TSPAN17: variants seen among roughly 807,000 people sequenced by gnomAD.
TSPAN17 encodes the protein tetraspanin 17, also known as tetraspanin-17.
In TSPAN17, 33 loss-of-function variants were observed where a neutral mutation model predicts 40.5. The observed-to-expected ratio is 0.81, with a 90% CI of 0.62 to 1.09. The LOEUF is 1.09. Among genes scored for constraint, TSPAN17 ranks in the 50% least tolerant of loss-of-function variants. The probability of loss-of-function intolerance (pLI) is 0.00; values close to 1 mark genes in which losing one functional copy is unlikely to be tolerated. For synonymous variants in TSPAN17, 166 were observed against 169.4 expected (o/e 0.98, Z 0.15); for missense variants, 365 against 416.8 (o/e 0.88, Z 1.08).
chr5:176,656,870 C>A, intron 7 of TSPAN17, 25 bp from the exon 8 acceptor site: 3 of 1,614,230 alleles, frequency 1.9e-6, no homozygotes, highest in East Asian at 4.5e-5. Context: ...CCTCACTCTC[C>A]CCTCACCTGT....
rs1761096265 is a variant in TSPAN17 at position 176,654,951 on chromosome 5, C to G, written c.513C>G (p.Asn171Lys). 6.2e-7 allele frequency: 1 copy of G among 1,613,782 alleles called. No individual in the cohort carries two copies. Among genetic ancestry groups the G allele is most frequent in the East Asian group, 2.2e-5 (1 of 44,880 alleles). ...ACTGGAACCTCAATATCTACTTCAA[C>G]TGCACTGACTTGAACCCCAGCCGGG... ...PNDWNLNIYF[N>K]CTDLNPSRER... is the part of the protein sequence containing the mutation. The change falls in exon 5 of 9, where the codon AAC becomes AAG. Residue 171 changes from asparagine (N) to lysine (K), a missense_variant. Physicochemically the swap from Asn to Lys is moderately conservative, Grantham distance 94. Coordinates refer to ENST00000508164, the MANE Select transcript of TSPAN17 (RefSeq NM_130465.5). The surrounding 1 kb of genome is among the most constrained non-coding windows in gnomAD (Gnocchi z 4.3).
chr5:176,647,694 G>A lies in TSPAN17; in HGVS notation c.79G>A (p.Val27Ile). Residue 27 changes from valine (V) to isoleucine (I), a missense_variant, in exon 1 of 9, where the codon GTC (valine) becomes ATC (isoleucine). Coordinates refer to ENST00000508164, the MANE Select transcript of TSPAN17 (RefSeq NM_130465.5). Reference sequence around the variant, plus strand: ...ATACTTCCTGTTTGGCTTCAACATTGTCTTCTGGGTGAGCGCGGGGTCTGC... The same window carrying A: ...ATACTTCCTGTTTGGCTTCAACATTATCTTCTGGGTGAGCGCGGGGTCTGC... The part of the protein sequence containing the change: ...GKYFLFGFNI[V>I]FWVLGALFLA... The A allele has an allele frequency of 6.3e-7, 1 of 1,593,224 alleles. No homozygotes were observed.
rs773942853 is a variant in TSPAN17, at chr5:176,652,846, A to G, written c.389A>G (p.Asn130Ser). ...CGAGACCAGCTCAACCTCTTCATCAACAACAACGTCAAGGCCTACCGGGAC... is the reference window on the plus strand; with the variant it reads ...CGAGACCAGCTCAACCTCTTCATCAGCAACAACGTCAAGGCCTACCGGGAC... ...WIRDQLNLFI[N>S]NNVKAYRDDI... Residue 130 changes from asparagine to serine, a missense_variant, in exon 4 of 9, where the codon AAC becomes AGC. By Grantham distance (46) the Asn-to-Ser change is conservative. Transcript: ENST00000508164. The G allele has an allele frequency of 5.6e-6, 9 of 1,614,002 alleles. No individual in the cohort carries two copies. In the African/African-American group the frequency reaches 6.7e-5, roughly 12 times the overall value.
At position 176,656,066 on chromosome 5, in the gene TSPAN17, G is replaced by C. The variant is rs1761144048; in HGVS notation, c.583-12G>C. ...TCCTCACCAAGTCACTAACTGGCCT[G>C]TCTCCCCTCAGGAGGATGTCCTCAA... On this transcript the variant is annotated splice_polypyrimidine_tract_variant and intron_variant, in intron 5 of 8. Transcript: ENST00000508164. The C allele has an allele frequency of 6.2e-7, 1 of 1,614,122 alleles. No individual in the cohort carries two copies. Among genetic ancestry groups the C allele is most frequent in the Non-Finnish European group, 8.5e-7 (1 of 1,179,988 alleles).
intron 3 of TSPAN17, among the ~76,000 whole-genome samples, chr5:176,652,522 C>T (rs1761008614): frequency 6.6e-6 from 1 of 152,108 alleles, no homozygotes; most frequent in Non-Finnish European, 1.5e-5. Context: ...TCAGAGACAG[C>T]AGGGTGTGAT....
At position 176,654,823 on chromosome 5, in the gene TSPAN17, G is replaced by A; in HGVS notation, c.457-72G>A. ...GACAGCCCTGTATTCCTGCAGCCTGGGCTTGTTCCCAAACAGGGTGAGGCT... is the reference window on the plus strand; with the variant it reads ...GACAGCCCTGTATTCCTGCAGCCTGAGCTTGTTCCCAAACAGGGTGAGGCT... On this transcript the variant is annotated intron_variant, in intron 4 of 8. Transcript: ENST00000508164. The surrounding 1 kb of genome is among the most constrained non-coding windows in gnomAD (Gnocchi z 4.3). The A allele has an allele frequency of 6.4e-7, 1 of 1,574,426 alleles. No homozygotes were observed. The highest frequency in any genetic ancestry group is 8.6e-7 in the Non-Finnish European group (1 of 1,157,480).
chr5:176,654,494 G>C lies in TSPAN17; in HGVS notation c.457-401G>C, dbSNP rs764439763. 8 of 201,446 alleles carry C rather than the reference G, an allele frequency of 4.0e-5. No individual in the cohort carries two copies. The highest frequency in any genetic ancestry group is 7.2e-5 in the Non-Finnish European group (7 of 97,800). The allele number at this position is 201,446 out of a possible 1,614,324, so 12.5% of individuals were successfully genotyped here. A position where few individuals can be genotyped will look rare whatever the true frequency, so the allele number is the denominator to read the frequency against. ...CCTCCTGTCCCTGCACTGAAGAGAGGAGGGCTTTGTAGAACCTCTGGGGCA... is the reference window on the plus strand; with the variant it reads ...CCTCCTGTCCCTGCACTGAAGAGAGCAGGGCTTTGTAGAACCTCTGGGGCA... On this transcript the variant is annotated intron_variant, in intron 4 of 8. Transcript: ENST00000508164. This position sits in a 1 kb window ranked among gnomAD's most constrained non-coding sequence, Gnocchi z 4.3.
In TSPAN17 at chr5:176,651,235, A is replaced by G. The variant is rs1760952495; in HGVS notation, c.88-381A>G. Among the ~76,000 whole-genome samples the G allele has an allele frequency of 6.6e-6, 1 of 152,120 alleles. No homozygotes were observed. Among genetic ancestry groups the G allele is most frequent in the Admixed American group, 6.5e-5 (1 of 15,282 alleles). On this transcript the variant is annotated intron_variant, in intron 1 of 8. Transcript: ENST00000508164. This position sits in a 1 kb window ranked among gnomAD's most constrained non-coding sequence, Gnocchi z 4.5. ...CTTGGCAGGGTGCAGAAAGGAGGCT[A>G]GGAGCCTGGAACCCCAGCACCAGCT... is the stretch of plus-strand genomic sequence containing the variant.
rs1459194919 is a variant in TSPAN17, at chr5:176,654,890, C to T, written c.457-5C>T. 1 of 1,613,710 alleles carries T rather than the reference C, an allele frequency of 6.2e-7. No individual in the cohort carries two copies. The highest frequency in any genetic ancestry group is 8.5e-7 in the Non-Finnish European group (1 of 1,179,830). On this transcript the variant is annotated splice_polypyrimidine_tract_variant and splice_region_variant and intron_variant, in intron 4 of 8. Transcript: ENST00000508164. This position sits in a 1 kb window ranked among gnomAD's most constrained non-coding sequence, Gnocchi z 4.3. ...CTCACCTGGGGCTCTCCCCTGCCCC[C>T]ACAGTGGTCTTGCTGCGGAGCCCGA...
In TSPAN17 at chr5:176,651,248, C is replaced by A. The variant is rs900658923; in HGVS notation, c.88-368C>A. 1.3e-5 allele frequency among the ~76,000 whole-genome samples: 2 copies of A among 152,118 alleles called. No homozygotes were observed. Among genetic ancestry groups the A allele is most frequent in the Non-Finnish European group, 1.5e-5 (1 of 68,008 alleles). ...AGAAAGGAGGCTAGGAGCCTGGAAC[C>A]CCAGCACCAGCTTCGGTCAGGTGTA... On this transcript the variant is annotated intron_variant, in intron 1 of 8. Coordinates refer to ENST00000508164, the MANE Select transcript of TSPAN17 (RefSeq NM_130465.5). This position sits in a 1 kb window ranked among gnomAD's most constrained non-coding sequence, Gnocchi z 4.5.
chr5:176,655,190 G>A (rs963752139), intron 5 of TSPAN17, among the ~76,000 whole-genome samples, 170 bp downstream of exon 5: 1 of 152,202 alleles, frequency 6.6e-6, no homozygotes, highest in African/African-American at 2.4e-5. Context: ...TGCTTTCCCT[G>A]TTCAGCAAGA....
chr5:176,651,299 C>G lies in TSPAN17; in HGVS notation c.88-317C>G, dbSNP rs1467463059. 6.6e-6 allele frequency among the ~76,000 whole-genome samples: 1 copy of G among 152,052 alleles called. No individual in the cohort carries two copies. Among genetic ancestry groups the G allele is most frequent in the Non-Finnish European group, 1.5e-5 (1 of 67,990 alleles). On this transcript the variant is annotated intron_variant, in intron 1 of 8. Transcript: ENST00000508164. The surrounding 1 kb of genome is among the most constrained non-coding windows in gnomAD (Gnocchi z 4.5). ...GAGGCTCAGTATACTGGCGCCGTCG[C>G]TACCCCCGCTGACACAGCTGCTATT...
chr5:176,648,993 C>G (rs1202545005), intron 1 of TSPAN17, among the ~76,000 whole-genome samples: 1 of 152,140 alleles, frequency 6.6e-6, no homozygotes, highest in Non-Finnish European at 1.5e-5. Context: ...GAAGTAACCT[C>G]AAATACCGAG....
In TSPAN17 at chr5:176,652,011, A is replaced by C. The variant is rs938532277; in HGVS notation, c.285+111A>C. ...GCTTTATTATTATGCTATAATCGTC[A>C]TCGTTAGATTCATGTTGTCTATATT... is the stretch of plus-strand genomic sequence containing the variant. On this transcript the variant is annotated intron_variant, in intron 3 of 8. Coordinates refer to ENST00000508164, the MANE Select transcript of TSPAN17 (RefSeq NM_130465.5). The C allele has an allele frequency of 2.8e-6, 4 of 1,416,414 alleles. No homozygotes were observed. The African/African-American group carries it at 5.7e-5, about 20-fold the overall frequency. The allele number at this position is 1,416,414 out of a possible 1,614,324, so 87.7% of individuals were successfully genotyped here. A position where few individuals can be genotyped will look rare whatever the true frequency, so the allele number is the denominator to read the frequency against.
intron 3 of TSPAN17, among the ~76,000 whole-genome samples, chr5:176,652,358 G>A (rs1450544295): frequency 6.6e-6 from 1 of 152,166 alleles, no homozygotes; most frequent in African/African-American, 2.4e-5. Context: ...GCTCTGATTG[G>A]CTGCCTCTGG....
Position 176,654,530 on chromosome 5 carries a change from G to A in TSPAN17, c.457-365G>A. ...AGAACCTCTGGGGCAAGTGTGGGAG[G>A]CCTGCTGCAGACATGGGGCCCAGCG... On this transcript the variant is annotated intron_variant, in intron 4 of 8. Transcript: ENST00000508164. The surrounding 1 kb of genome is among the most constrained non-coding windows in gnomAD (Gnocchi z 4.3). 1 of 225,712 alleles carries A rather than the reference G, an allele frequency of 4.4e-6. No individual in the cohort carries two copies. The highest frequency in any genetic ancestry group is 4.4e-4 in the Middle Eastern group (1 of 2,272). 14.0% of individuals were successfully genotyped at this position (225,712 alleles called of 1,614,324 possible).
At chr5:176,652,581 C>T (rs1428303571) in intron 3 of TSPAN17, among the ~76,000 whole-genome samples, 162 bp from the exon 4 acceptor site, 3 of 152,166 alleles carry the variant, frequency 2.0e-5, no homozygotes, top group East Asian at 3.9e-4. Flanking sequence ...ATGCCTATTA[C>T]CATCATATAA....
chr5:176,656,997 C>T (rs1251010072), intron 8 of TSPAN17, 41 bp downstream of exon 8: 4 of 1,596,240 alleles, frequency 2.5e-6, no homozygotes, highest in South Asian at 1.1e-5. Flanking sequence ...CTGGCCTACG[C>T]AGGCCTCTGG....
chr5:176,657,905 A>T lies in TSPAN17; in HGVS notation c.*207A>T. The T allele has an allele frequency of 1.1e-6, 1 of 882,314 alleles. No individual in the cohort carries two copies. The highest frequency in any genetic ancestry group is 1.6e-6 in the Non-Finnish European group (1 of 629,954). 54.7% of individuals were successfully genotyped at this position (882,314 alleles called of 1,614,324 possible). On this transcript the variant is annotated 3_prime_UTR_variant, in exon 9 of 9. Transcript: ENST00000508164. ...CTGCAGGGTTATTCCCTGCACCTCG[A>T]GGCCGCTGCGGGCCAATCTGGAGTG...
Sources: gnomAD v4.1 joint callset for allele counts (sites outside exome capture counted in the v4.1 genomes callset) on GRCh38, gnomAD v4.1.1 for gene constraint, Gnocchi (gnomAD v3.1) non-coding constraint, MANE v1.5 for transcripts, NCBI Gene and HGNC (gene_info 2026-07-23, HGNC 2026-07-21) for gene names.